Variants in FRAS1 observed in about 807,000 individuals in gnomAD.
FRAS1 encodes Fraser extracellular matrix complex subunit 1.
Under a neutral mutation model 435.2 loss-of-function variants are expected in FRAS1, and 290 were observed. That is an observed-to-expected ratio of 0.67 (90% CI 0.61 to 0.73). The LOEUF is 0.73. FRAS1 is among the 30% of genes least tolerant of loss of function. The pLI is 0.00. For synonymous variants in FRAS1, 1,800 were observed against 1,851.0 expected (o/e 0.97, Z 0.71); for missense variants, 4,860 against 5,001.5 (o/e 0.97, Z 0.85).
chr4:78,404,736 T>C (rs1038258252), intron 30 of FRAS1, among the ~76,000 whole-genome samples: 1 of 152,236 alleles, frequency 6.6e-6, no homozygotes, highest in African/African-American at 2.4e-5. Flanking sequence ...ACCTCTGTTG[T>C]CTTAGTTCAG....
intron 59 of FRAS1, among the ~76,000 whole-genome samples, chr4:78,489,983 A>AAAAAAAAAAG (rs1720298984): frequency 6.7e-6 from 1 of 149,438 alleles, no homozygotes; most frequent in African/African-American, 2.5e-5. Flanking sequence ...AAAAAAAAAA[A>AAAAAAAAAAG]AAAAGAAAAG....
chr4:78,287,357 G>C lies in FRAS1; in HGVS notation c.1534+818G>C, dbSNP rs559008916. Among the ~76,000 whole-genome samples the C allele has an allele frequency of 4.6e-5, 7 of 152,240 alleles. No individual in the cohort carries two copies. In the East Asian group the frequency reaches 1.4e-3, roughly 29 times the overall value. ...CAGGACACAGAGCCAAATCATATCA[G>C]GGTTAATGATGAAAACAAAGACAAG... On this transcript the variant is annotated intron_variant, in intron 14 of 73. Transcript: ENST00000512123.
In FRAS1 at chr4:78,450,356, C is replaced by T. The variant is rs1429801451; in HGVS notation, c.6463+17C>T. 3 of 1,611,052 alleles carry T rather than the reference C, an allele frequency of 1.9e-6. No individual in the cohort carries two copies. The highest frequency in any genetic ancestry group is 2.7e-5 in the African/African-American group (2 of 74,866). The stretch of plus-strand genomic sequence containing the variant: ...TTAGCCAAGGTCAGCCAGTTCTCTT[C>T]TGCCTACCAGGCTTCCGTGGACTGC... On this transcript the variant is annotated intron_variant, in intron 45 of 73. Coordinates refer to ENST00000512123, the MANE Select transcript of FRAS1 (RefSeq NM_025074.7).
chr4:78,410,354 GTTA>G (rs1230935337), intron 31 of FRAS1, among the ~76,000 whole-genome samples: 5 of 151,384 alleles, frequency 3.3e-5, no homozygotes, highest in Admixed American at 3.3e-4. Flanking sequence ...GTCCATTGGA[GTTA>G]TTTGGCACTT....
chr4:78,465,366 A>G (rs183858155), intron 49 of FRAS1, among the ~76,000 whole-genome samples: 1 of 152,246 alleles, frequency 6.6e-6, no homozygotes, highest in South Asian at 2.1e-4. Flanking sequence ...TATCAGATAC[A>G]ATAAGTGCTA....
In FRAS1 at chr4:78,488,993, T is replaced by C. The variant is rs1257292226; in HGVS notation, c.8871T>C (p.Thr2957=). The C allele has an allele frequency of 6.2e-7, 1 of 1,613,582 alleles. No homozygotes were observed. Among genetic ancestry groups the C allele is most frequent in the Non-Finnish European group, 8.5e-7 (1 of 1,179,772 alleles). The change falls in exon 59 of 74, where the codon ACT becomes ACC. Residue 2957 remains threonine (T), a synonymous_variant. Coordinates refer to ENST00000512123, the MANE Select transcript of FRAS1 (RefSeq NM_025074.7). ...LSYESSVRCY[T]QSHSAQVMED... ...ATGAGTCATCAGTGAGGTGCTATAC[T>C]CAGAGCCATTCCGCTCAGGTCATGG...
At chr4:78,485,039 A>G (rs1368072308) in intron 58 of FRAS1, among the ~76,000 whole-genome samples, 1 of 152,240 alleles carries the variant, frequency 6.6e-6, no homozygotes, top group Admixed American at 6.5e-5. Context: ...CCCTCTGATG[A>G]AGTGGAAAGT....
chr4:78,086,647 C>G (rs1453260446), intron 2 of FRAS1, among the ~76,000 whole-genome samples: 1 of 152,158 alleles, frequency 6.6e-6, no homozygotes, highest in Admixed American at 6.5e-5. Flanking sequence ...ACTATAAACA[C>G]CTCTACACAA....
intron 2 of FRAS1, among the ~76,000 whole-genome samples, chr4:78,082,143 T>C (rs1258831901): frequency 6.6e-6 from 1 of 152,170 alleles, no homozygotes; most frequent in Non-Finnish European, 1.5e-5. Context: ...GACGTCCCTC[T>C]CTAATGTTTC....
At chr4:78,343,352 G>A (rs1182500392) in intron 20 of FRAS1, among the ~76,000 whole-genome samples, 1 of 152,048 alleles carries the variant, frequency 6.6e-6, no homozygotes, top group Non-Finnish European at 1.5e-5. Flanking sequence ...CAATTGGTTT[G>A]CACCCCATAA....
rs1438426927 is a variant in FRAS1 at position 78,269,334 on chromosome 4, TA to T, written c.981+1903del. ...ATTAGGAGCTCCCGGAGGAAATGAC[TA>T]TGTCTGCCAAGGGGCACAGTGGAAG... On this transcript the variant is annotated intron_variant, in intron 9 of 73. Transcript: ENST00000512123. 2.0e-5 allele frequency among the ~76,000 whole-genome samples: 3 copies of T among 152,216 alleles called. 1 individual carries two copies. Among genetic ancestry groups the T allele is most frequent in the Non-Finnish European group, 4.4e-5 (3 of 68,032 alleles).
At chr4:78,339,942 A>G (rs1421623279) in intron 20 of FRAS1, among the ~76,000 whole-genome samples, 1 of 152,192 alleles carries the variant, frequency 6.6e-6, no homozygotes, top group Non-Finnish European at 1.5e-5. Flanking sequence ...CCTGAATTAT[A>G]TCCTTCATGA....
chr4:78,164,190 A>G (rs954644130), intron 2 of FRAS1, among the ~76,000 whole-genome samples: 31 of 152,290 alleles, frequency 2.0e-4, no homozygotes, highest in African/African-American at 6.7e-4. Flanking sequence ...ATGGGGTCCA[A>G]CCGTAGGCAG....
At chr4:78,146,878 T>A (rs1720442443) in intron 2 of FRAS1, among the ~76,000 whole-genome samples, 1 of 152,150 alleles carries the variant, frequency 6.6e-6, no homozygotes, top group Admixed American at 6.6e-5. Context: ...AATTACATGT[T>A]TTTTGTTTGT....
In FRAS1 at chr4:78,450,217, T is replaced by C; in HGVS notation, c.6341T>C (p.Val2114Ala). The change falls in exon 45 of 74, where the codon GTT (valine) becomes GCT (alanine). Residue 2114 changes from valine (V) to alanine (A), a missense_variant. Val to Ala is a moderately conservative substitution (Grantham distance 64, BLOSUM62 0). Coordinates refer to ENST00000512123, the MANE Select transcript of FRAS1 (RefSeq NM_025074.7). ...VTDIDSDDHQVMYIMKEDPGA... is the reference protein window; with the variant it reads ...VTDIDSDDHQAMYIMKEDPGA... ...GATATTGACTCAGATGACCATCAGG[T>C]TATGTACATCATGAAGGAAGATCCT... 1 of 1,613,748 alleles carries C rather than the reference T, an allele frequency of 6.2e-7. No homozygotes were observed. Among genetic ancestry groups the C allele is most frequent in the Non-Finnish European group, 8.5e-7 (1 of 1,179,738 alleles).
At chr4:78,101,701 G>A (rs115844965) in intron 2 of FRAS1, among the ~76,000 whole-genome samples, 3 of 152,060 alleles carry the variant, frequency 2.0e-5, no homozygotes, top group African/African-American at 7.2e-5. Flanking sequence ...TTATATTTTA[G>A]AGTGCTTTTA....
At chr4:78,115,377 T>C (rs988570610) in intron 2 of FRAS1, among the ~76,000 whole-genome samples, 1 of 152,174 alleles carries the variant, frequency 6.6e-6, no homozygotes, top group African/African-American at 2.4e-5. Context: ...TCTTTTTCTA[T>C]TGATTGGAAT....
At chr4:78,250,891 TGTAA>T (rs1183737692) in intron 4 of FRAS1, among the ~76,000 whole-genome samples, 2 of 152,228 alleles carry the variant, frequency 1.3e-5, no homozygotes, top group Non-Finnish European at 2.9e-5. Context: ...TTGAACATTC[TGTAA>T]GTTTTTGCTA....
At chr4:78,486,917 CAA>C (rs1430776803) in intron 58 of FRAS1, among the ~76,000 whole-genome samples, 10 of 149,080 alleles carry the variant, frequency 6.7e-5, no homozygotes, top group African/African-American at 2.2e-4. Context: ...TTTTATACCT[CAA>C]GAGGAATTTG....
Sources: allele counts gnomAD v4.1 joint callset (sites outside exome capture counted in the v4.1 genomes callset), GRCh38; gene constraint gnomAD v4.1.1; transcripts MANE v1.5; gene names NCBI Gene and HGNC (gene_info 2026-07-23, HGNC 2026-07-21).